Variants in CIMAP1D observed in about 807,000 individuals in gnomAD.
CIMAP1D encodes the protein CIMAP1 family member D.
At chr19:469,708 G>GAAAAA in the CIMAP1D span, among the ~76,000 whole-genome samples, 1 of 151,924 alleles carries the variant, frequency 6.6e-6, no homozygotes, top group Non-Finnish European at 1.5e-5. Flanking sequence ...AAAAGAAAAA[G>GAAAAA]AAAAAGAAAT....
At chr19:463,814 C>T in the CIMAP1D span, 44 of 1,591,000 alleles carry the variant, frequency 2.8e-5, no homozygotes, top group African/African-American at 5.0e-4. Flanking sequence ...CCGCCAGCCC[C>T]CCGTTCACTG....
the CIMAP1D span, chr19:467,861 C>A: frequency 2.7e-6 from 2 of 741,010 alleles, no homozygotes; most frequent in East Asian, 5.4e-5. Flanking sequence ...ACACTCCCAC[C>A]AGGTCAGAGG....
At chr19:465,694 T>G in the CIMAP1D span, among the ~76,000 whole-genome samples, 2 of 95,596 alleles carry the variant, frequency 2.1e-5, no homozygotes, top group African/African-American at 4.3e-5. Context: ...GATGGTTGTG[T>G]GGGTGGGTGG....
the CIMAP1D span, chr19:490,262 AG>A: frequency 3.4e-6 from 1 of 293,460 alleles, no homozygotes; most frequent in African/African-American, 2.2e-5. Context: ...AGGCCGTCAC[AG>A]TAGAATCACT....
chr19:463,621 TG>T, the CIMAP1D span: 1 of 637,352 alleles, frequency 1.6e-6, no homozygotes, highest in Non-Finnish European at 2.5e-6. Context: ...TGGAAGAAAC[TG>T]GGGCACTGGA....
the CIMAP1D span, among the ~76,000 whole-genome samples, chr19:475,383 G>A: frequency 3.9e-5 from 6 of 152,232 alleles, 1 homozygote; most frequent in African/African-American, 1.2e-4. Context: ...CAGGATGGGA[G>A]AGAGAAAGTC....
chr19:487,110 C>T, the CIMAP1D span, among the ~76,000 whole-genome samples: 80 of 152,240 alleles, frequency 5.3e-4, no homozygotes, highest in South Asian at 5.8e-3. Context: ...CTGCCCCCTT[C>T]CCTGCCTTTT....
At chr19:480,343 C>T in the CIMAP1D span, among the ~76,000 whole-genome samples, 1 of 152,226 alleles carries the variant, frequency 6.6e-6, no homozygotes, top group Admixed American at 6.5e-5. Context: ...CCAATCAGAG[C>T]TCACAAGCGC....
At chr19:467,925 C>T in the CIMAP1D span, among the ~76,000 whole-genome samples, 1 of 152,202 alleles carries the variant, frequency 6.6e-6, no homozygotes, top group East Asian at 1.9e-4. Flanking sequence ...GTTGTGGCTG[C>T]CTGAACTGGG....
the CIMAP1D span, among the ~76,000 whole-genome samples, chr19:476,561 G>A: frequency 6.6e-6 from 1 of 152,132 alleles, no homozygotes; most frequent in African/African-American, 2.4e-5. Flanking sequence ...ACCCTGCAAT[G>A]TAATTTTAAT....
At chr19:466,958 A>C in the CIMAP1D span, among the ~76,000 whole-genome samples, 1 of 36,168 alleles carries the variant, frequency 2.8e-5, no homozygotes, top group Non-Finnish European at 4.9e-5. Context: ...GGGTGGATAG[A>C]TGGATGGGTG....
At chr19:464,571 C>A in the CIMAP1D span, among the ~76,000 whole-genome samples, 1 of 152,168 alleles carries the variant, frequency 6.6e-6, no homozygotes, top group Non-Finnish European at 1.5e-5. Flanking sequence ...GGGCCAAGCA[C>A]GCCTTCATTT....
At chr19:491,192 G>A in the CIMAP1D span, among the ~76,000 whole-genome samples, 1 of 151,966 alleles carries the variant, frequency 6.6e-6, no homozygotes, top group South Asian at 2.1e-4. Flanking sequence ...CGGGAGAATC[G>A]CTTGAACCCA....
At chr19:472,770 G>A in the CIMAP1D span, among the ~76,000 whole-genome samples, 1 of 151,684 alleles carries the variant, frequency 6.6e-6, no homozygotes, top group Non-Finnish European at 1.5e-5. Flanking sequence ...GCCTCCCAGA[G>A]ATACACGGTC....
At chr19:470,881 C>T in the CIMAP1D span, among the ~76,000 whole-genome samples, 1 of 152,244 alleles carries the variant, frequency 6.6e-6, no homozygotes, top group Non-Finnish European at 1.5e-5. Flanking sequence ...CTTCACTGCG[C>T]CCGTTCTAGA....
At chr19:472,409 G>A in the CIMAP1D span, 405 of 1,539,552 alleles carry the variant, frequency 2.6e-4, no homozygotes, top group Non-Finnish European at 3.3e-4. Flanking sequence ...CTGGGCCTCC[G>A]GACGAGCGAG....
chr19:464,478 T>A, the CIMAP1D span: 1 of 701,576 alleles, frequency 1.4e-6, no homozygotes, highest in Non-Finnish European at 2.5e-6. Context: ...TCAAGCAGCC[T>A]GGGTGCCTTT....
the CIMAP1D span, among the ~76,000 whole-genome samples, chr19:478,134 C>T: frequency 9.5e-4 from 144 of 152,282 alleles, 1 homozygote; most frequent in African/African-American, 3.3e-3. Flanking sequence ...GGATGGGTGC[C>T]GAGGAGGGAG....
At chr19:463,976 C>T in the CIMAP1D span, 1 of 1,610,842 alleles carries the variant, frequency 6.2e-7, no homozygotes, top group Non-Finnish European at 8.5e-7. Context: ...CGGTGACCTG[C>T]TCTGGGCAGT....
Sources: gnomAD v4.1 joint callset for allele counts (sites outside exome capture counted in the v4.1 genomes callset) on GRCh38, gnomAD v4.1.1 for gene constraint, MANE v1.5 for transcripts, NCBI Gene and HGNC (gene_info 2026-07-23, HGNC 2026-07-21) for gene names.